BCL2L13: variants seen among roughly 807,000 people sequenced by gnomAD.
BCL2L13 encodes BCL2 like 13, also known as bcl-2-like protein 13.
A neutral mutation model predicts 25.8 loss-of-function variants in BCL2L13; 13 were observed. That is an observed-to-expected ratio of 0.50 (90% CI 0.33 to 0.80). The LOEUF (loss-of-function observed/expected upper bound fraction) is 0.80, where lower values mean the gene tolerates loss of function less well. Ranked by LOEUF, BCL2L13 falls within the 30% of genes least tolerant of loss-of-function variation. The pLI is 0.02. For synonymous variants in BCL2L13, 244 were observed against 230.3 expected, an observed-to-expected ratio of 1.06 and a Z score of -0.54; for missense variants, 504 against 574.9, an observed-to-expected ratio of 0.88 and a Z score of 1.26.
At chr22:17,683,124 C>T in intron 2 of BCL2L13, 90 bp from the exon 3 acceptor site, 4 of 704,254 alleles carry the variant, frequency 5.7e-6, no homozygotes, top group South Asian at 1.6e-5. Flanking sequence ...CAGTGCGAGA[C>T]TCCGTCTCAA....
intron 6 of BCL2L13, among the ~76,000 whole-genome samples, chr22:17,725,912 A>G (rs1022288451): frequency 3.7e-4 from 55 of 150,448 alleles, no homozygotes; most frequent in Admixed American, 3.3e-3. Flanking sequence ...ATATTAATTT[A>G]CAAATATACA....
chr22:17,644,625 C>T (rs776485995), intron 1 of BCL2L13, among the ~76,000 whole-genome samples: 4 of 151,108 alleles, frequency 2.6e-5, no homozygotes, highest in East Asian at 3.9e-4. Flanking sequence ...CCACCACGCC[C>T]GACTGCATTT....
intron 1 of BCL2L13, among the ~76,000 whole-genome samples, chr22:17,629,882 T>C (rs1359081190): frequency 6.6e-6 from 1 of 151,836 alleles, no homozygotes; most frequent in Admixed American, 6.6e-5. Context: ...AACGAGGATG[T>C]AGCAAATTCA....
chr22:17,669,033 T>TC (rs1489096619), intron 2 of BCL2L13, among the ~76,000 whole-genome samples: 110 of 139,348 alleles, frequency 7.9e-4, no homozygotes, highest in African/African-American at 2.7e-3. Context: ...TTTCTTTCTT[T>TC]TTTTTTTTTT....
At chr22:17,707,807 T>C (rs564138411) in intron 6 of BCL2L13, among the ~76,000 whole-genome samples, 2 of 152,220 alleles carry the variant, frequency 1.3e-5, no homozygotes, top group South Asian at 4.1e-4. Context: ...GGAGCTCAGC[T>C]CAGCAGCAGC....
chr22:17,628,884 G>A (rs868094305), upstream of BCL2L13: 4 of 572,076 alleles, frequency 7.0e-6, 1 homozygote, highest in South Asian at 8.2e-5. Context: ...GTCCTTCTAC[G>A]TCGCTGACTC....
In BCL2L13 at chr22:17,655,716, C is replaced by T. The variant is rs972912134; in HGVS notation, c.5C>T (p.Ala2Val). 5 of 1,611,612 alleles carry T rather than the reference C, an allele frequency of 3.1e-6. No individual in the cohort carries two copies. Among genetic ancestry groups the T allele is most frequent in the Non-Finnish European group, 4.2e-6 (5 of 1,178,782 alleles). The change falls in exon 2 of 7, where the codon GCG becomes GTG. Residue 2 changes from alanine to valine, a missense_variant. Ala to Val is a moderately conservative substitution (Grantham distance 64). Transcript: ENST00000317582. ...GGAGCCTCACCAGCCAATTCAATGG[C>T]GTCCTCTTCTACTGTGCCTCTGGGA... is the stretch of plus-strand genomic sequence containing the variant. MASSSTVPLGFH... is the reference protein window; with the variant it reads MVSSSTVPLGFH...
intron 2 of BCL2L13, among the ~76,000 whole-genome samples, chr22:17,661,945 T>C (rs2059079831): frequency 6.7e-6 from 1 of 149,576 alleles, no homozygotes. Context: ...GAGCCAAAAT[T>C]GCACCATTGC....
intron 1 of BCL2L13, among the ~76,000 whole-genome samples, chr22:17,642,898 G>A (rs2058343404): frequency 6.6e-6 from 1 of 151,720 alleles, no homozygotes; most frequent in Non-Finnish European, 1.5e-5. Flanking sequence ...CACCTGGTCT[G>A]TAATGCTGCT....
chr22:17,702,317 A>G lies in BCL2L13; in HGVS notation c.531A>G (p.Ala177=). ...GACGTGGTCAAGAACCTTTGAGCGC[A>G]CTGCTGCAGTTTGGCGTGACATACC... ...LTRRGQEPLS[A]LLQFGVTYLE... Residue 177 remains alanine (A), a synonymous_variant, in exon 6 of 7, where the codon GCA becomes GCG. Transcript: ENST00000317582. 1.9e-6 allele frequency: 3 copies of G among 1,612,954 alleles called. No homozygotes were observed. Among genetic ancestry groups the G allele is most frequent in the Non-Finnish European group, 2.5e-6 (3 of 1,179,454 alleles).
intron 2 of BCL2L13, among the ~76,000 whole-genome samples, chr22:17,665,252 CA>C (rs1644371256): frequency 6.6e-6 from 1 of 152,184 alleles, no homozygotes; most frequent in Non-Finnish European, 1.5e-5. Flanking sequence ...TAAAACATAG[CA>C]AGAGTCACCT....
rs192811307 is a variant in BCL2L13 at position 17,677,156 on chromosome 22, A to G, written c.122-6058A>G. 3.4e-3 allele frequency among the ~76,000 whole-genome samples: 491 copies of G among 143,788 alleles called. 6 individuals are homozygous for G. Among genetic ancestry groups the G allele is most frequent in the African/African-American group, 0.012 (456 of 39,490 alleles). 94.3% of individuals were successfully genotyped at this position (143,788 alleles called of 152,430 possible). A position where few individuals can be genotyped will look rare whatever the true frequency, so the allele number is the denominator to read the frequency against. ...GCAATATAGTGAGACCCTATTCTCA[A>G]AAAATAAAAAAATAAAAAAATAAAA... On this transcript the variant is annotated intron_variant, in intron 2 of 6. Transcript: ENST00000317582.
chr22:17,684,759 A>T, intron 3 of BCL2L13: 1 of 342,388 alleles, frequency 2.9e-6, no homozygotes, highest in Non-Finnish European at 5.7e-6. Flanking sequence ...TTTTTGACAG[A>T]GTCTGGCTCT....
intron 6 of BCL2L13, among the ~76,000 whole-genome samples, chr22:17,709,689 G>A (rs914885528): frequency 7.2e-5 from 11 of 152,200 alleles, no homozygotes; most frequent in African/African-American, 2.7e-4. Context: ...GGTGGCTGAG[G>A]CAGGAGAATC....
chr22:17,646,955 A>ATTTTTTTTTTTTTTT (rs149460093), intron 1 of BCL2L13, among the ~76,000 whole-genome samples: 1 of 22,188 alleles, frequency 4.5e-5, no homozygotes, highest in Non-Finnish European at 7.7e-5. Context: ...ATATATATAT[A>ATTTTTTTTTTTTTTT]TTTTTTTTTT....
chr22:17,716,536 A>T (rs2060949727), intron 6 of BCL2L13, among the ~76,000 whole-genome samples: 1 of 152,158 alleles, frequency 6.6e-6, no homozygotes, highest in African/African-American at 2.4e-5. Context: ...GGGTGAAATG[A>T]TGGCCCTAGC....
chr22:17,646,951 ATATATTTTTTTTT>A (rs1601494054), intron 1 of BCL2L13, among the ~76,000 whole-genome samples: 3 of 21,892 alleles, frequency 1.4e-4, no homozygotes, highest in African/African-American at 5.1e-4. Flanking sequence ...ATATATATAT[ATATATTTTTTTTT>A]TTTTTTTTTT....
intron 3 of BCL2L13, 90 bp downstream of exon 3, chr22:17,683,411 T>G: frequency 1.4e-6 from 1 of 713,580 alleles, no homozygotes; most frequent in Non-Finnish European, 2.3e-6. Flanking sequence ...AGTGGGGTAT[T>G]CTCAACAGTT....
rs2061384796 is a variant in BCL2L13, at chr22:17,730,806, GGATACCA to G, written c.*3275_*3281del. 6.6e-6 allele frequency: 1 copy of G among 151,820 alleles called. No individual in the cohort carries two copies. The highest frequency in any genetic ancestry group is 2.4e-5 in the African/African-American group (1 of 41,294). The allele number at this position is 151,820 out of a possible 1,614,324, so 9.4% of individuals were successfully genotyped here. A position where few individuals can be genotyped will look rare whatever the true frequency, so the allele number is the denominator to read the frequency against. On this transcript the variant is annotated 3_prime_UTR_variant, in exon 7 of 7. Transcript: ENST00000317582. ...TCGTTTAACATCTCAGCGACATACT[GGATACCA>G]GAATAATGTTTCCTCTTCTCTGGTG... is the stretch of plus-strand genomic sequence containing the variant.
Sources: allele counts gnomAD v4.1 joint callset (sites outside exome capture counted in the v4.1 genomes callset), GRCh38; gene constraint gnomAD v4.1.1; transcripts MANE v1.5; gene names NCBI Gene and HGNC (gene_info 2026-07-23, HGNC 2026-07-21).